The following MTSS1 variants were observed in gnomAD, a reference collection of about 807,000 sequenced individuals.
The protein encoded by MTSS1 is protein MTSS 1.
MTSS1 carries 18 observed loss-of-function variants against 79.0 expected under a neutral mutation model. That is an observed-to-expected ratio of 0.23 (90% CI 0.16 to 0.34). The LOEUF is 0.34. Among genes scored for constraint, MTSS1 ranks in the 10% least tolerant of loss-of-function variants. MTSS1 has a pLI of 1.00. For synonymous variants in MTSS1, 341 were observed against 368.6 expected, an observed-to-expected ratio of 0.93 and a Z score of 0.86; for missense variants, 815 against 986.2, an observed-to-expected ratio of 0.83 and a Z score of 2.33.
chr8:124,665,729 T>G lies in MTSS1; in HGVS notation c.208+33797A>C, dbSNP rs559929453. On this transcript the variant is annotated intron_variant, in intron 3 of 13. Transcript: ENST00000518547. ...CTAAAAATACAAAATTAGCCAGGCG[T>G]GGTGGCGCATGCCTGTAATCCAAGC... 1.9e-4 allele frequency among the ~76,000 whole-genome samples: 29 copies of G among 152,254 alleles called. 1 individual carries two copies. Among genetic ancestry groups the G allele is most frequent in the Middle Eastern group, 3.4e-3 (1 of 294 alleles).
chr8:124,696,356 A>C (rs1828819791), intron 3 of MTSS1, among the ~76,000 whole-genome samples: 1 of 152,182 alleles, frequency 6.6e-6, no homozygotes, highest in South Asian at 2.1e-4. Context: ...AATTAATAAA[A>C]GTCACTTCTG....
intron 3 of MTSS1, among the ~76,000 whole-genome samples, chr8:124,679,938 GATTTA>G (rs924111425): frequency 1.3e-5 from 2 of 152,060 alleles, no homozygotes; most frequent in Non-Finnish European, 2.9e-5. Context: ...ACTATTTTGG[GATTTA>G]ATTAAAATTT....
At chr8:124,574,050 C>T (rs543156872) in intron 6 of MTSS1, among the ~76,000 whole-genome samples, 8 of 152,128 alleles carry the variant, frequency 5.3e-5, no homozygotes, top group South Asian at 2.1e-4. Flanking sequence ...TGGAGTGCAG[C>T]GGCACAATCT....
intron 7 of MTSS1, chr8:124,567,881 G>A: frequency 6.9e-7 from 1 of 1,440,634 alleles, no homozygotes; most frequent in Non-Finnish European, 9.1e-7. Context: ...ATTACGGCAT[G>A]CAAATGATTT....
intron 3 of MTSS1, among the ~76,000 whole-genome samples, chr8:124,611,271 A>T (rs959738753): frequency 6.6e-6 from 1 of 152,222 alleles, no homozygotes; most frequent in East Asian, 1.9e-4. Flanking sequence ...TGGGAGAAAG[A>T]GCCAGGGGTG....
intron 6 of MTSS1, chr8:124,580,448 T>C (rs982216434): frequency 2.6e-5 from 33 of 1,287,126 alleles, no homozygotes; most frequent in South Asian, 3.9e-5. Flanking sequence ...TTTGAGCTGG[T>C]AGAAAAACCT....
chr8:124,715,620 T>C (rs1465085401), intron 1 of MTSS1, among the ~76,000 whole-genome samples: 1 of 152,220 alleles, frequency 6.6e-6, no homozygotes, highest in Non-Finnish European at 1.5e-5. Flanking sequence ...GATGCCCTGG[T>C]AGCCAGTAAA....
At chr8:124,578,124 T>C (rs1829324530) in intron 6 of MTSS1, among the ~76,000 whole-genome samples, 1 of 152,060 alleles carries the variant, frequency 6.6e-6, no homozygotes, top group African/African-American at 2.4e-5. Context: ...CGAGGCCCAG[T>C]GATTGAACCA....
At chr8:124,720,218 A>C (rs911870868) in intron 1 of MTSS1, among the ~76,000 whole-genome samples, 2 of 152,204 alleles carry the variant, frequency 1.3e-5, no homozygotes, top group African/African-American at 4.8e-5. Flanking sequence ...GTGTCAAGGA[A>C]GCCTGGGAGT....
Position 124,582,516 on chromosome 8 carries a change from G to A in MTSS1, c.460+2571C>T, listed in dbSNP as rs969954687. Among the ~76,000 whole-genome samples the A allele has an allele frequency of 6.6e-6, 1 of 151,924 alleles. No homozygotes were observed. Among genetic ancestry groups the A allele is most frequent in the African/African-American group, 2.4e-5 (1 of 41,360 alleles). ...CAGAGAATTTTTAGATCAAAGATCAGAGTTTTTGAAAAAGGCATGGCAGGA... is the reference window on the plus strand; with the variant it reads ...CAGAGAATTTTTAGATCAAAGATCAAAGTTTTTGAAAAAGGCATGGCAGGA... On this transcript the variant is annotated intron_variant, in intron 6 of 13. Coordinates refer to ENST00000518547, the MANE Select transcript of MTSS1 (RefSeq NM_014751.6). The surrounding 1 kb of genome is among the most constrained non-coding windows in gnomAD (Gnocchi z 4.8).
At chr8:124,609,922 C>T (rs1835501593) in intron 3 of MTSS1, among the ~76,000 whole-genome samples, 1 of 152,190 alleles carries the variant, frequency 6.6e-6, no homozygotes, top group Non-Finnish European at 1.5e-5. Context: ...AGACATTCTT[C>T]ATACATATCA....
At chr8:124,671,163 T>A (rs1824121129) in intron 3 of MTSS1, among the ~76,000 whole-genome samples, 1 of 152,052 alleles carries the variant, frequency 6.6e-6, no homozygotes, top group South Asian at 2.1e-4. Context: ...CATGACAGGC[T>A]AGGCTCCCTC....
At chr8:124,675,884 A>G (rs763585486) in intron 3 of MTSS1, among the ~76,000 whole-genome samples, 30 of 152,348 alleles carry the variant, frequency 2.0e-4, no homozygotes, top group Middle Eastern at 3.4e-3. Context: ...TTATCCATTC[A>G]TCCAGTAATG....
intron 6 of MTSS1, among the ~76,000 whole-genome samples, chr8:124,578,519 G>A (rs921189819): frequency 6.6e-6 from 1 of 152,036 alleles, no homozygotes; most frequent in Admixed American, 6.5e-5. Context: ...GCACTGGCTG[G>A]CAGGGTGGCT....
At chr8:124,663,735 T>C (rs1025924667) in intron 3 of MTSS1, among the ~76,000 whole-genome samples, 49 of 152,266 alleles carry the variant, frequency 3.2e-4, no homozygotes, top group African/African-American at 1.0e-3. Context: ...TCCATTCCCG[T>C]GTCCTTTTGT....
intron 3 of MTSS1, among the ~76,000 whole-genome samples, chr8:124,656,608 C>T (rs1587623914): frequency 1.3e-5 from 2 of 151,504 alleles, no homozygotes; most frequent in African/African-American, 4.9e-5. Context: ...CCTGTCTCTA[C>T]TAAAAATATT....
chr8:124,625,606 G>T (rs1814509443), intron 3 of MTSS1, among the ~76,000 whole-genome samples: 2 of 152,180 alleles, frequency 1.3e-5, no homozygotes, highest in South Asian at 4.1e-4. Flanking sequence ...TCTACCCCCA[G>T]AAGCAGCCAA....
Position 124,587,321 on chromosome 8 carries a change from G to GA in MTSS1, c.386-2161dup, listed in dbSNP as rs559128586. On this transcript the variant is annotated intron_variant, in intron 5 of 13. Coordinates refer to ENST00000518547, the MANE Select transcript of MTSS1 (RefSeq NM_014751.6). ...TAAACTATCAACTCTTTCCCCATCTGAAAAAAAATGTCAAATGGTTCTATT... is the reference window on the plus strand; with the variant it reads ...TAAACTATCAACTCTTTCCCCATCTGAAAAAAAAATGTCAAATGGTTCTATT... Among the ~76,000 whole-genome samples, 51 of 151,850 alleles carry GA rather than the reference G, an allele frequency of 3.4e-4. 1 individual carries two copies. In the South Asian group the frequency reaches 6.0e-3, roughly 18 times the overall value.
At chr8:124,611,116 C>CCA (rs1554671415) in intron 3 of MTSS1, among the ~76,000 whole-genome samples, 6 of 148,802 alleles carry the variant, frequency 4.0e-5, no homozygotes, top group African/African-American at 1.2e-4. Flanking sequence ...ACCCCCCCCC[C>CCA]CCAGCATGTG....
Sources: gnomAD v4.1 joint callset for allele counts (sites outside exome capture counted in the v4.1 genomes callset) on GRCh38, gnomAD v4.1.1 for gene constraint, Gnocchi (gnomAD v3.1) non-coding constraint, MANE v1.5 for transcripts, NCBI Gene and HGNC (gene_info 2026-07-23, HGNC 2026-07-21) for gene names.